Variants in CNTNAP2 observed in about 807,000 individuals in gnomAD.
The protein encoded by CNTNAP2 is contactin associated protein 2.
In CNTNAP2, 98 loss-of-function variants were observed where a neutral mutation model predicts 155.2. That is an observed-to-expected ratio of 0.63 (90% CI 0.54 to 0.75). CNTNAP2 has a LOEUF of 0.75. CNTNAP2 is among the 30% of genes least tolerant of loss of function. The pLI is 0.00. For synonymous variants in CNTNAP2, 651 were observed against 631.2 expected (o/e 1.03, Z -0.47); for missense variants, 1,727 against 1,688.1 (o/e 1.02, Z -0.40).
intron 3 of CNTNAP2, among the ~76,000 whole-genome samples, chr7:147,020,253 T>C (rs1333190765): frequency 6.6e-6 from 1 of 152,152 alleles, no homozygotes; most frequent in Admixed American, 6.5e-5. Flanking sequence ...TTTAAAAATA[T>C]TTAATAGAAT....
intron 10 of CNTNAP2, among the ~76,000 whole-genome samples, chr7:147,397,859 T>TAAGAAAGAA (rs1796845215): frequency 6.6e-6 from 1 of 152,060 alleles, no homozygotes; most frequent in East Asian, 1.9e-4. Context: ...CACACCTTTC[T>TAAGAAAGAA]TATTCTTTAG....
intron 2 of CNTNAP2, among the ~76,000 whole-genome samples, chr7:146,803,439 C>T (rs1237370156): frequency 5.9e-5 from 9 of 152,152 alleles, no homozygotes; most frequent in Non-Finnish European, 8.8e-5. Flanking sequence ...TCCCCTAGTG[C>T]ACATAATCTC....
intron 8 of CNTNAP2, among the ~76,000 whole-genome samples, chr7:147,171,846 C>T (rs1802234187): frequency 6.6e-6 from 1 of 151,894 alleles, no homozygotes; most frequent in African/African-American, 2.4e-5. Context: ...TTGCCATTCC[C>T]TGTAAATTGG....
chr7:146,739,098 G>T (rs992398907), intron 1 of CNTNAP2, among the ~76,000 whole-genome samples: 4 of 151,480 alleles, frequency 2.6e-5, no homozygotes, highest in Non-Finnish European at 4.4e-5. Flanking sequence ...TAGTTTTGTT[G>T]ATCTTTTCTA....
At chr7:147,900,069 C>A (rs1799840825) in intron 13 of CNTNAP2, among the ~76,000 whole-genome samples, 1 of 152,140 alleles carries the variant, frequency 6.6e-6, no homozygotes. Context: ...AAAGAAAACT[C>A]TTAGTTCCCC....
At chr7:146,192,558 T>C (rs1426678395) in intron 1 of CNTNAP2, among the ~76,000 whole-genome samples, 4 of 152,088 alleles carry the variant, frequency 2.6e-5, no homozygotes, top group Non-Finnish European at 5.9e-5. Flanking sequence ...CACCATCGTA[T>C]CTCATGCGAC....
chr7:148,026,031 G>A (rs1802369060), intron 15 of CNTNAP2, among the ~76,000 whole-genome samples: 1 of 152,182 alleles, frequency 6.6e-6, no homozygotes, highest in Non-Finnish European at 1.5e-5. Flanking sequence ...TTTTTGACCT[G>A]AAAGGAAAAG....
intron 15 of CNTNAP2, among the ~76,000 whole-genome samples, chr7:148,039,905 T>C (rs995645509): frequency 1.8e-4 from 28 of 152,330 alleles, no homozygotes; most frequent in African/African-American, 4.1e-4. Context: ...CTTACTATAG[T>C]AGTTGTTTCC....
rs138086023 is a variant in CNTNAP2, at chr7:148,220,601, T to A, written c.3247+3077T>A. Among the ~76,000 whole-genome samples the A allele has an allele frequency of 2.7e-5, 4 of 150,388 alleles. No individual in the cohort carries two copies. In the East Asian group the frequency reaches 7.9e-4, roughly 30 times the overall value. ...CATGAACAAGATCCAGCCTTGAATGTGAAATATTAGCTCCATAAAAAATAT... is the reference window on the plus strand; with the variant it reads ...CATGAACAAGATCCAGCCTTGAATGAGAAATATTAGCTCCATAAAAAATAT... On this transcript the variant is annotated intron_variant, in intron 19 of 23. Coordinates refer to ENST00000361727, the MANE Select transcript of CNTNAP2 (RefSeq NM_014141.6).
At chr7:146,892,310 G>C in intron 3 of CNTNAP2, among the ~76,000 whole-genome samples, 1 of 152,120 alleles carries the variant, frequency 6.6e-6, no homozygotes, top group Non-Finnish European at 1.5e-5. Flanking sequence ...CCATGACACA[G>C]GAAGTGAATG....
chr7:147,883,355 G>C (rs1030581000), intron 13 of CNTNAP2, among the ~76,000 whole-genome samples: 3 of 152,110 alleles, frequency 2.0e-5, no homozygotes, highest in African/African-American at 7.2e-5. Context: ...TGAGCTTCCT[G>C]AAAAGATAGA....
chr7:147,630,737 A>G (rs547782920), intron 12 of CNTNAP2, among the ~76,000 whole-genome samples: 88 of 152,354 alleles, frequency 5.8e-4, no homozygotes, highest in African/African-American at 1.9e-3. Context: ...GAGCATCCCA[A>G]TAGATGCAGA....
intron 1 of CNTNAP2, among the ~76,000 whole-genome samples, chr7:146,666,135 CCT>C (rs1356777579): frequency 6.6e-6 from 1 of 151,872 alleles, no homozygotes; most frequent in East Asian, 1.9e-4. Flanking sequence ...TAAATCTCTC[CCT>C]CTCTCTCCCT....
chr7:146,178,940 G>A (rs1199011457), intron 1 of CNTNAP2, among the ~76,000 whole-genome samples: 1 of 152,104 alleles, frequency 6.6e-6, no homozygotes, highest in Non-Finnish European at 1.5e-5. Flanking sequence ...TATGATTTAG[G>A]GCTGCTGTTA....
intron 21 of CNTNAP2, among the ~76,000 whole-genome samples, chr7:148,293,087 A>AAT (rs138114273): frequency 1.8e-5 from 1 of 55,354 alleles, no homozygotes; most frequent in Non-Finnish European, 3.8e-5. Context: ...ATAAAATAAA[A>AAT]TAAAATAAAT....
chr7:147,912,745 C>T (rs1445885020), intron 14 of CNTNAP2, among the ~76,000 whole-genome samples: 1 of 152,146 alleles, frequency 6.6e-6, no homozygotes, highest in Non-Finnish European at 1.5e-5. Context: ...CTCCTCCAAG[C>T]CCCAGAGGAA....
At chr7:146,584,536 CTTG>C (rs1798658177) in intron 1 of CNTNAP2, among the ~76,000 whole-genome samples, 1 of 152,160 alleles carries the variant, frequency 6.6e-6, no homozygotes, top group African/African-American at 2.4e-5. Flanking sequence ...CCTTTATTTG[CTTG>C]TTGTCTTTGG....
At chr7:146,437,118 G>C (rs1215104462) in intron 1 of CNTNAP2, among the ~76,000 whole-genome samples, 2 of 151,344 alleles carry the variant, frequency 1.3e-5, no homozygotes, top group East Asian at 3.9e-4. Context: ...GTTCTCATAG[G>C]AGCGTGAACC....
intron 4 of CNTNAP2, among the ~76,000 whole-genome samples, chr7:147,095,588 A>T (rs1800514579): frequency 6.6e-6 from 1 of 151,904 alleles, no homozygotes; most frequent in African/African-American, 2.4e-5. Context: ...TTTCAGATGT[A>T]TGTTGTTTCA....
Sources: allele counts gnomAD v4.1 joint callset (sites outside exome capture counted in the v4.1 genomes callset), GRCh38; gene constraint gnomAD v4.1.1; transcripts MANE v1.5; gene names NCBI Gene and HGNC (gene_info 2026-07-23, HGNC 2026-07-21).